The following VNN1 variants were observed in gnomAD, a reference collection of about 807,000 sequenced individuals.
VNN1 encodes the protein pantetheinase.
Under a neutral mutation model 41.9 loss-of-function variants are expected in VNN1, and 29 were observed. The ratio of observed to expected loss-of-function variants is 0.69; its 90% confidence interval spans 0.52 to 0.94. The LOEUF (loss-of-function observed/expected upper bound fraction) is 0.94. VNN1 is among the 40% of genes least tolerant of loss of function. The pLI, the probability that VNN1 is intolerant of heterozygous loss-of-function variation, is 0.00. For synonymous variants in VNN1, 233 were observed against 224.4 expected, an observed-to-expected ratio of 1.04 and a Z score of -0.34; for missense variants, 637 against 621.1, an observed-to-expected ratio of 1.03 and a Z score of -0.27.
intron 2 of VNN1, among the ~76,000 whole-genome samples, chr6:132,706,948 C>T (rs763015264): frequency 3.3e-5 from 5 of 151,654 alleles, no homozygotes; most frequent in South Asian, 2.1e-4. Flanking sequence ...GCAAATCAAC[C>T]GGGCATGGTG....
At chr6:132,706,765 G>T (rs1431951649) in intron 2 of VNN1, among the ~76,000 whole-genome samples, 1 of 151,958 alleles carries the variant, frequency 6.6e-6, no homozygotes, top group African/African-American at 2.4e-5. Flanking sequence ...CATCTTATAA[G>T]GGATTCATAA....
rs556934156 is a variant in VNN1 at position 132,704,181 on chromosome 6, G to C, written c.341+7528C>G. The stretch of plus-strand genomic sequence containing the variant: ...AGGAAAAAAAAAATAAAGAAACATT[G>C]GACTTAATCTGCATTACAGACCAAG... On this transcript the variant is annotated intron_variant, in intron 2 of 6. Coordinates refer to ENST00000367928, the MANE Select transcript of VNN1 (RefSeq NM_004666.3). 4.6e-5 allele frequency among the ~76,000 whole-genome samples: 7 copies of C among 152,050 alleles called. 1 individual carries two copies. The highest frequency in any genetic ancestry group is 1.7e-4 in the African/African-American group (7 of 41,508).
intron 2 of VNN1, chr6:132,699,134 G>T (rs74410218): frequency 6.2e-5 from 21 of 336,052 alleles, no homozygotes; most frequent in African/African-American, 4.5e-4. Context: ...ATTGGCAACT[G>T]ATGTGTTCCA....
chr6:132,694,350 G>A (rs961959082), intron 2 of VNN1, among the ~76,000 whole-genome samples, 168 bp from the exon 3 acceptor site: 5 of 152,194 alleles, frequency 3.3e-5, no homozygotes, highest in African/African-American at 7.2e-5. Flanking sequence ...TTCAGAGGAA[G>A]CCCATGCTTG....
At chr6:132,704,027 T>A (rs1326669799) in intron 2 of VNN1, among the ~76,000 whole-genome samples, 1 of 152,072 alleles carries the variant, frequency 6.6e-6, no homozygotes, top group African/African-American at 2.4e-5. Flanking sequence ...AGCACACAAG[T>A]GTGCTAACAC....
intron 2 of VNN1, among the ~76,000 whole-genome samples, chr6:132,695,866 C>A (rs1444295187): frequency 1.3e-5 from 2 of 152,062 alleles, no homozygotes; most frequent in Non-Finnish European, 2.9e-5. Context: ...ACAAACATAG[C>A]AAACCCAGAG....
At chr6:132,687,561 C>G (rs1015934098) in intron 5 of VNN1, among the ~76,000 whole-genome samples, 2 of 152,048 alleles carry the variant, frequency 1.3e-5, no homozygotes, top group Non-Finnish European at 2.9e-5. Context: ...GACTAGACAG[C>G]GTTGACTACA....
intron 2 of VNN1, among the ~76,000 whole-genome samples, chr6:132,709,205 G>A (rs1778559931): frequency 8.1e-6 from 1 of 123,778 alleles, no homozygotes; most frequent in Admixed American, 8.4e-5. Flanking sequence ...ATAATAGATA[G>A]ATGATAGATA....
At chr6:132,683,580 A>G (rs1778161908) in intron 6 of VNN1, among the ~76,000 whole-genome samples, 1 of 152,232 alleles carries the variant, frequency 6.6e-6, no homozygotes, top group Non-Finnish European at 1.5e-5. Flanking sequence ...GTTAATAAAC[A>G]CAAACCAGTG....
At position 132,705,947 on chromosome 6, in the gene VNN1, A is replaced by T. The variant is rs1324953541; in HGVS notation, c.341+5762T>A. Among the ~76,000 whole-genome samples the T allele has an allele frequency of 5.3e-5, 8 of 152,324 alleles. 1 individual carries two copies. In the East Asian group the frequency reaches 1.5e-3, roughly 29 times the overall value. On this transcript the variant is annotated intron_variant, in intron 2 of 6. Coordinates refer to ENST00000367928, the MANE Select transcript of VNN1 (RefSeq NM_004666.3). ...AATAAAATACAATACCTAGGAATTA[A>T]TTTATCCAAAGAAGAGAAAGCTCTC...
intron 2 of VNN1, among the ~76,000 whole-genome samples, chr6:132,705,307 T>G (rs1479908955): frequency 6.6e-6 from 1 of 152,012 alleles, no homozygotes; most frequent in Non-Finnish European, 1.5e-5. Flanking sequence ...CAACGACACA[T>G]TAAAAAATTA....
chr6:132,706,236 C>T (rs771336945), intron 2 of VNN1, among the ~76,000 whole-genome samples: 8 of 152,112 alleles, frequency 5.3e-5, no homozygotes, highest in Non-Finnish European at 1.2e-4. Context: ...GGAGAAATCA[C>T]ATTACCTGAC....
chr6:132,694,139 T>C lies in VNN1; in HGVS notation c.385A>G (p.Lys129Glu). Residue 129 changes from lysine to glutamate, a missense_variant, in exon 3 of 7, where the codon AAG becomes GAG. Physicochemically the swap from Lys to Glu is moderately conservative, Grantham distance 56. Coordinates refer to ENST00000367928, the MANE Select transcript of VNN1 (RefSeq NM_004666.3). Reference sequence around the variant, plus strand: ...GCCACAACATAGATAGAGTTGTTCTTGGCCAGGCAGCTGAGTCTTTCTTGT... The same window carrying C: ...GCCACAACATAGATAGAGTTGTTCTCGGCCAGGCAGCTGAGTCTTTCTTGT... ...PVQERLSCLA[K>E]NNSIYVVANI... The C allele has an allele frequency of 6.2e-7, 1 of 1,613,366 alleles. No homozygotes were observed. The highest frequency in any genetic ancestry group is 8.5e-7 in the Non-Finnish European group (1 of 1,179,662).
intron 5 of VNN1, among the ~76,000 whole-genome samples, chr6:132,685,999 G>C (rs1562213448): frequency 6.6e-6 from 1 of 151,986 alleles, no homozygotes; most frequent in East Asian, 1.9e-4. Context: ...CCCTAATGCT[G>C]TCAGCAAGGA....
intron 2 of VNN1, among the ~76,000 whole-genome samples, chr6:132,709,415 T>C (rs1778564804): frequency 6.6e-6 from 1 of 152,166 alleles, no homozygotes; most frequent in Admixed American, 6.6e-5. Context: ...CTCATACCTG[T>C]AATCCCAGCA....
At chr6:132,694,956 C>A (rs1778347731) in intron 2 of VNN1, among the ~76,000 whole-genome samples, 1 of 152,030 alleles carries the variant, frequency 6.6e-6, no homozygotes, top group Non-Finnish European at 1.5e-5. Context: ...AGTTCGAGAC[C>A]AGCCAGACCA....
chr6:132,688,834 T>C (rs1322905558), intron 5 of VNN1, among the ~76,000 whole-genome samples: 1 of 152,164 alleles, frequency 6.6e-6, no homozygotes, highest in Non-Finnish European at 1.5e-5. Context: ...ATGATACTAT[T>C]TTTCCCTCTT....
At position 132,713,754 on chromosome 6, in the gene VNN1, G is replaced by A. The variant is rs1778634532; in HGVS notation, c.210+72C>T. 53 of 1,515,106 alleles carry A rather than the reference G, an allele frequency of 3.5e-5. 1 individual carries two copies. The South Asian group carries it at 6.0e-4, about 17-fold the overall frequency. 93.9% of individuals were successfully genotyped at this position (1,515,106 alleles called of 1,614,324 possible). ...TCTAAAAGTGTAACTGACCCTGACAGTGGCCCTGTCTCCTAGGACCCCCTC... is the reference window on the plus strand; with the variant it reads ...TCTAAAAGTGTAACTGACCCTGACAATGGCCCTGTCTCCTAGGACCCCCTC... On this transcript the variant is annotated intron_variant, in intron 1 of 6. Transcript: ENST00000367928.
intron 2 of VNN1, among the ~76,000 whole-genome samples, chr6:132,707,584 A>C (rs916519999): frequency 3.3e-5 from 5 of 152,266 alleles, no homozygotes; most frequent in Admixed American, 1.3e-4. Flanking sequence ...AGCTACAAAA[A>C]GAATGAGATC....
Sources: allele counts gnomAD v4.1 joint callset (sites outside exome capture counted in the v4.1 genomes callset), GRCh38; gene constraint gnomAD v4.1.1; transcripts MANE v1.5; gene names NCBI Gene and HGNC (gene_info 2026-07-23, HGNC 2026-07-21).